MACF1: variants seen among roughly 807,000 people sequenced by gnomAD.
MACF1 encodes microtubule-actin cross-linking factor 1.
Under a neutral mutation model 854.8 loss-of-function variants are expected in MACF1, and 193 were observed. The ratio of observed to expected loss-of-function variants is 0.23; its 90% CI spans 0.20 to 0.25. The LOEUF (loss-of-function observed/expected upper bound fraction) is 0.25, where lower values mean the gene tolerates loss of function less well. Among genes scored for constraint, MACF1 ranks in the 10% least tolerant of loss-of-function variants. MACF1 has a pLI of 1.00. For missense variants in MACF1, 7,722 were observed against 8,929.1 expected (o/e 0.86, Z 5.45); for synonymous variants, 3,185 against 3,226.7 (o/e 0.99, Z 0.44).
chr1:39,474,657 G>A (rs1308775585), intron 97 of MACF1, among the ~76,000 whole-genome samples: 1 of 152,066 alleles, frequency 6.6e-6, no homozygotes, highest in Non-Finnish European at 1.5e-5. Context: ...TTGTGCCACT[G>A]CACTCCAGCC....
chr1:39,431,364 T>TG (rs1374043680), intron 66 of MACF1, among the ~76,000 whole-genome samples: 2 of 152,220 alleles, frequency 1.3e-5, no homozygotes, highest in Non-Finnish European at 2.9e-5. Flanking sequence ...ACAGGTGTCA[T>TG]ATTTCCCTTG....
intron 2 of MACF1, among the ~76,000 whole-genome samples, chr1:39,118,101 T>C (rs552059825): frequency 2.0e-5 from 3 of 152,368 alleles, no homozygotes; most frequent in Non-Finnish European, 4.4e-5. Flanking sequence ...GTCACTGAAA[T>C]GGGAGGCTCC....
At chr1:39,458,316 A>AT in intron 89 of MACF1, 54 bp from the exon 90 acceptor site, 3 of 1,583,160 alleles carry the variant, frequency 1.9e-6, no homozygotes, top group South Asian at 1.1e-5. Context: ...CTTTGCCCCC[A>AT]TAAGAGTAAA....
At chr1:39,127,317 G>A (rs556608270) in intron 2 of MACF1, among the ~76,000 whole-genome samples, 4 of 152,268 alleles carry the variant, frequency 2.6e-5, no homozygotes, top group South Asian at 2.1e-4. Context: ...GGTGTGTAGC[G>A]TTGGTGGGAG....
chr1:39,230,929 A>G (rs1326167803), intron 1 of MACF1, among the ~76,000 whole-genome samples: 1 of 152,156 alleles, frequency 6.6e-6, no homozygotes, highest in Non-Finnish European at 1.5e-5. Context: ...TGCTCAAATT[A>G]TTGTGCTAAG....
At chr1:39,448,967 G>C (rs1644280797) in intron 84 of MACF1, among the ~76,000 whole-genome samples, 1 of 152,174 alleles carries the variant, frequency 6.6e-6, no homozygotes, top group Non-Finnish European at 1.5e-5. Context: ...TATTGTATTA[G>C]AGAGAGGCCT....
Position 39,469,535 on chromosome 1 carries a change from T to C in MACF1, c.21890-12T>C, listed in dbSNP as rs1285368872. 6.5e-7 allele frequency: 1 copy of C among 1,545,368 alleles called. No individual in the cohort carries two copies. Among genetic ancestry groups the C allele is most frequent in the Non-Finnish European group, 8.8e-7 (1 of 1,142,372 alleles). Reference sequence around the variant, plus strand: ...TGTCTGTTTCTTTCTGTTTACGTATTTTTTATTCTAGTTCACCATCCTGGG... The same window carrying C: ...TGTCTGTTTCTTTCTGTTTACGTATCTTTTATTCTAGTTCACCATCCTGGG... On this transcript the variant is annotated splice_polypyrimidine_tract_variant and intron_variant, in intron 96 of 100. Transcript: ENST00000564288.
At chr1:39,439,610 G>GGTTTTTGTTTTT (rs1229622274) in intron 72 of MACF1, 110 bp downstream of exon 72, 2 of 868,078 alleles carry the variant, frequency 2.3e-6, no homozygotes, top group Admixed American at 2.8e-5. Flanking sequence ...GTACCTTAAA[G>GGTTTTTGTTTTT]GTTTTTGTTT....
rs1447679458 is a variant in MACF1, at chr1:39,190,373, G to C, written c.221-40809G>C. Reference sequence around the variant, plus strand: ...TCTTTCTTTCTTTCTCTTCTTTTGTGTGTGTGTGTGTGTGTGTGTTTGTTT... The same window carrying C: ...TCTTTCTTTCTTTCTCTTCTTTTGTCTGTGTGTGTGTGTGTGTGTTTGTTT... On this transcript the variant is annotated intron_variant, in intron 2 of 93. Coordinates refer to the MACF1 transcript ENST00000361689. Among the ~76,000 whole-genome samples the C allele has an allele frequency of 1.2e-3, 102 of 86,422 alleles. 1 individual carries two copies. In the South Asian group the frequency reaches 0.017, roughly 15 times the overall value. 56.7% of individuals were successfully genotyped at this position (86,422 alleles called of 152,430 possible).
chr1:39,337,988 C>T (rs546308404), intron 38 of MACF1, among the ~76,000 whole-genome samples: 2 of 152,248 alleles, frequency 1.3e-5, no homozygotes, highest in South Asian at 4.1e-4. Context: ...CCAAGATGGT[C>T]TTGATCTCCT....
chr1:39,382,087 A>G lies in MACF1; in HGVS notation c.13783A>G (p.Met4595Val). ...GTGGCTGATGGAGAAAGAACTGATG[A>G]TGGGAGTGCTGGGGCCCCTGTCTAT... is the stretch of plus-strand genomic sequence containing the variant. Reference protein sequence around the residue: ...RPWLMEKELMMGVLGPLSIDP... With the variant: ...RPWLMEKELMVGVLGPLSIDP... The change falls in exon 56 of 101, where the codon ATG becomes GTG. Residue 4595 changes from methionine to valine, a missense_variant. Met to Val is a conservative substitution (Grantham distance 21). This residue lies in a region of MACF1 where 2,807 missense variants were observed against 3,235.8 expected (regional missense o/e 0.87). Coordinates refer to ENST00000564288, the MANE Select transcript of MACF1 (RefSeq NM_001394062.1). The G allele has an allele frequency of 6.2e-7, 1 of 1,614,128 alleles. No homozygotes were observed. The highest frequency in any genetic ancestry group is 8.5e-7 in the Non-Finnish European group (1 of 1,180,002).
At chr1:39,106,136 T>C (rs1363529852) in intron 2 of MACF1, among the ~76,000 whole-genome samples, 1 of 151,738 alleles carries the variant, frequency 6.6e-6, no homozygotes, top group Non-Finnish European at 1.5e-5. Context: ...GGAGAGTCCC[T>C]CCCTCGCCCC....
chr1:39,184,753 T>C (rs1644145668), intron 2 of MACF1, among the ~76,000 whole-genome samples: 4 of 152,104 alleles, frequency 2.6e-5, no homozygotes, highest in Admixed American at 2.6e-4. Context: ...CCAGAGTCTG[T>C]GTGATTATGA....
chr1:39,168,947 C>T (rs1222782215), intron 2 of MACF1, among the ~76,000 whole-genome samples: 2 of 152,082 alleles, frequency 1.3e-5, no homozygotes, highest in African/African-American at 4.8e-5. Context: ...TATTTTCAAA[C>T]CAAGCTTAAA....
chr1:39,323,056 C>A, intron 33 of MACF1, 48 bp downstream of exon 33: 1 of 1,557,892 alleles, frequency 6.4e-7, no homozygotes, highest in African/African-American at 1.4e-5. Context: ...AGTAAAACAT[C>A]TTAGCCAGCA....
At chr1:39,361,299 T>C (rs1648170854) in intron 48 of MACF1, 61 bp from the exon 49 acceptor site, 2 of 1,515,384 alleles carry the variant, frequency 1.3e-6, no homozygotes, top group East Asian at 4.5e-5. Flanking sequence ...GTTATTAGTT[T>C]GTGGCTCAGA....
chr1:39,439,183 G>T, intron 71 of MACF1, 91 bp from the exon 72 acceptor site: 1 of 595,122 alleles, frequency 1.7e-6, no homozygotes, highest in South Asian at 2.8e-5. Context: ...TAGTTTCATT[G>T]AAAAGGTCAG....
At chr1:39,086,423 C>A (rs1398229839) in intron 2 of MACF1, among the ~76,000 whole-genome samples, 1 of 152,138 alleles carries the variant, frequency 6.6e-6, no homozygotes, top group East Asian at 1.9e-4. Context: ...CTTCTCAAAA[C>A]CTTTGGGCCT....
intron 2 of MACF1, chr1:39,103,580 A>G (rs1004808893): frequency 1.3e-5 from 2 of 152,720 alleles, no homozygotes; most frequent in African/African-American, 4.8e-5. Context: ...ATTTTCCGCT[A>G]AAAGCCTTTT....
Sources: gnomAD v4.1 joint callset for allele counts (sites outside exome capture counted in the v4.1 genomes callset) on GRCh38, gnomAD v4.1.1 for gene constraint, gnomAD v4.1.1 regional missense constraint, MANE v1.5 for transcripts, NCBI Gene and HGNC (gene_info 2026-07-23, HGNC 2026-07-21) for gene names.